The following SLC9A9 variants were observed in gnomAD, a reference collection of about 807,000 sequenced individuals.
SLC9A9 encodes the protein sodium/hydrogen exchanger 9.
In SLC9A9, 62 loss-of-function variants were observed where a neutral mutation model predicts 77.8. That is an observed-to-expected ratio of 0.80 (90% CI 0.65 to 0.98). SLC9A9 has a LOEUF of 0.98. SLC9A9 is among the 50% of genes least tolerant of loss of function. The pLI, the probability that SLC9A9 is intolerant of heterozygous loss-of-function variation, is 0.00. For synonymous variants in SLC9A9, 320 were observed against 283.5 expected (o/e 1.13, Z -1.29); for missense variants, 775 against 774.9 (o/e 1.00, Z 0.00).
intron 6 of SLC9A9, among the ~76,000 whole-genome samples, chr3:143,590,046 T>C (rs543032916): frequency 6.6e-6 from 1 of 152,354 alleles, no homozygotes; most frequent in East Asian, 1.9e-4. Context: ...GATTTCTTAA[T>C]GGAGACCTCT....
chr3:143,834,899 G>A (rs1465717612), intron 1 of SLC9A9, among the ~76,000 whole-genome samples: 2 of 152,220 alleles, frequency 1.3e-5, no homozygotes, highest in East Asian at 3.9e-4. Flanking sequence ...CTCCCACTCT[G>A]AGGAGGCAAT....
chr3:143,452,824 A>G (rs1233328201), intron 12 of SLC9A9, among the ~76,000 whole-genome samples: 2 of 152,080 alleles, frequency 1.3e-5, no homozygotes, highest in Non-Finnish European at 1.5e-5. Flanking sequence ...ATCAAAGAGA[A>G]TGTCCTTATT....
chr3:143,368,215 T>C (rs1226936216), intron 13 of SLC9A9, among the ~76,000 whole-genome samples: 2 of 152,162 alleles, frequency 1.3e-5, no homozygotes, highest in Non-Finnish European at 2.9e-5. Flanking sequence ...AGTTTTCTTT[T>C]AGGTGATCCC....
At chr3:143,618,636 G>T (rs1012142664) in intron 6 of SLC9A9, among the ~76,000 whole-genome samples, 22 of 152,274 alleles carry the variant, frequency 1.4e-4, no homozygotes, top group African/African-American at 5.3e-4. Flanking sequence ...ACGATGACAG[G>T]AGAATGACCA....
intron 12 of SLC9A9, among the ~76,000 whole-genome samples, chr3:143,415,276 T>A (rs148882391): frequency 6.6e-6 from 1 of 152,336 alleles, no homozygotes; most frequent in East Asian, 1.9e-4. Flanking sequence ...CTACACTAAA[T>A]AACAGATTGT....
At chr3:143,754,348 C>T (rs2006850952) in intron 4 of SLC9A9, among the ~76,000 whole-genome samples, 1 of 152,184 alleles carries the variant, frequency 6.6e-6, no homozygotes, top group South Asian at 2.1e-4. Flanking sequence ...GAACAGGAGT[C>T]AGGTCTATGG....
intron 6 of SLC9A9, among the ~76,000 whole-genome samples, chr3:143,639,838 T>C (rs2038591417): frequency 6.6e-6 from 1 of 152,180 alleles, no homozygotes; most frequent in Non-Finnish European, 1.5e-5. Flanking sequence ...AGGCTGCTTT[T>C]ATCATATGGT....
chr3:143,812,453 C>T (rs1464009368), intron 2 of SLC9A9, among the ~76,000 whole-genome samples: 2 of 152,158 alleles, frequency 1.3e-5, no homozygotes, highest in East Asian at 3.8e-4. Context: ...TGTGGCTGTG[C>T]TCAAAAATGT....
chr3:143,299,235 C>A (rs555438276), intron 14 of SLC9A9, among the ~76,000 whole-genome samples: 1 of 152,058 alleles, frequency 6.6e-6, no homozygotes, highest in African/African-American at 2.4e-5. Flanking sequence ...AAAAAAAAGG[C>A]CCTAAGAAGA....
At chr3:143,613,533 A>G (rs1187249058) in intron 6 of SLC9A9, among the ~76,000 whole-genome samples, 1 of 152,224 alleles carries the variant, frequency 6.6e-6, no homozygotes, top group Non-Finnish European at 1.5e-5. Context: ...TATTTCTTAC[A>G]TTTTAAAAAT....
intron 14 of SLC9A9, among the ~76,000 whole-genome samples, chr3:143,275,158 A>G (rs936795581): frequency 2.0e-5 from 3 of 152,236 alleles, no homozygotes; most frequent in African/African-American, 7.2e-5. Flanking sequence ...TGCTGGAAAT[A>G]AAAGCATTGG....
intron 9 of SLC9A9, among the ~76,000 whole-genome samples, chr3:143,506,650 A>T (rs902996127): frequency 2.0e-5 from 3 of 152,234 alleles, no homozygotes; most frequent in Admixed American, 2.0e-4. Context: ...CTGACATATG[A>T]GGTCTTGAGT....
At chr3:143,764,530 C>T (rs1307233195) in intron 4 of SLC9A9, among the ~76,000 whole-genome samples, 1 of 152,146 alleles carries the variant, frequency 6.6e-6, no homozygotes, top group Non-Finnish European at 1.5e-5. Context: ...CTAAGAATTC[C>T]TTCCCTGAAT....
At chr3:143,579,550 A>G (rs2037419785) in intron 6 of SLC9A9, among the ~76,000 whole-genome samples, 1 of 152,250 alleles carries the variant, frequency 6.6e-6, no homozygotes, top group Non-Finnish European at 1.5e-5. Context: ...GAGCATTAAA[A>G]TGAACATATG....
At chr3:143,329,216 G>A (rs2031691889) in intron 14 of SLC9A9, among the ~76,000 whole-genome samples, 1 of 152,158 alleles carries the variant, frequency 6.6e-6, no homozygotes. Flanking sequence ...TACAGCTCTA[G>A]CAATGTTTTT....
At position 143,840,253 on chromosome 3, in the gene SLC9A9, A is replaced by G. The variant is rs118085042; in HGVS notation, c.175+7895T>C. ...ATATAAGATAGTAGTTCCTACCAAC[A>G]TAAGTCCTCACAGTCTTGAAATTCC... On this transcript the variant is annotated intron_variant, in intron 1 of 15. Coordinates refer to ENST00000316549, the MANE Select transcript of SLC9A9 (RefSeq NM_173653.4). 1.0e-3 allele frequency among the ~76,000 whole-genome samples: 93 copies of G among 92,620 alleles called. No homozygotes were observed. In the East Asian group the frequency reaches 0.027, roughly 27 times the overall value. 60.8% of individuals were successfully genotyped at this position (92,620 alleles called of 152,430 possible). A position where few individuals can be genotyped will look rare whatever the true frequency, so the allele number is the denominator to read the frequency against.
At chr3:143,625,185 A>C (rs1340898390) in intron 6 of SLC9A9, among the ~76,000 whole-genome samples, 4 of 152,314 alleles carry the variant, frequency 2.6e-5, no homozygotes, top group African/African-American at 9.6e-5. Flanking sequence ...AATGGCCATA[A>C]TGCCCAAGGC....
intron 14 of SLC9A9, among the ~76,000 whole-genome samples, chr3:143,288,221 A>T (rs1400242987): frequency 2.0e-5 from 3 of 151,772 alleles, no homozygotes; most frequent in Non-Finnish European, 4.4e-5. Context: ...CTATACATAG[A>T]GTATAGGGAA....
chr3:143,268,094 C>T (rs1937783346), intron 15 of SLC9A9, among the ~76,000 whole-genome samples: 1 of 152,196 alleles, frequency 6.6e-6, no homozygotes, highest in Non-Finnish European at 1.5e-5. Context: ...CTGAACACAC[C>T]TGAGATAAGT....
Sources: gnomAD v4.1 joint callset for allele counts (sites outside exome capture counted in the v4.1 genomes callset) on GRCh38, gnomAD v4.1.1 for gene constraint, MANE v1.5 for transcripts, NCBI Gene and HGNC (gene_info 2026-07-23, HGNC 2026-07-21) for gene names.